SCUBE1: variants seen among roughly 807,000 people sequenced by gnomAD.
SCUBE1 encodes the protein signal peptide, CUB domain and EGF like domain containing 1, also known as signal peptide, CUB and EGF-like domain-containing protein 1.
SCUBE1 carries 59 observed loss-of-function variants against 124.4 expected under a neutral mutation model. The observed-to-expected ratio is 0.47, with a 90% CI of 0.38 to 0.59. The LOEUF (loss-of-function observed/expected upper bound fraction) is 0.59, where lower values mean the gene tolerates loss of function less well. Ranked by LOEUF, SCUBE1 falls within the 20% of genes least tolerant of loss-of-function variation. The probability of loss-of-function intolerance (pLI) is 0.00; values close to 1 mark genes in which losing one functional copy is unlikely to be tolerated. For synonymous variants in SCUBE1, 545 were observed against 550.9 expected (o/e 0.99, Z 0.15); for missense variants, 1,150 against 1,371.2 (o/e 0.84, Z 2.55).
At chr22:43,280,785 TCC>T in intron 4 of SCUBE1, among the ~76,000 whole-genome samples, 1 of 138,158 alleles carries the variant, frequency 7.2e-6, no homozygotes, top group Non-Finnish European at 1.5e-5. Context: ...TCCTGTCATC[TCC>T]TCCTCAGCTA....
At chr22:43,254,311 C>T (rs1009063473) in intron 6 of SCUBE1, among the ~76,000 whole-genome samples, 2 of 152,340 alleles carry the variant, frequency 1.3e-5, no homozygotes, top group African/African-American at 4.8e-5. Context: ...CCCATGAGCT[C>T]CTCGAAGCCC....
intron 6 of SCUBE1, among the ~76,000 whole-genome samples, chr22:43,252,496 G>A (rs577474302): frequency 5.7e-4 from 87 of 152,298 alleles, no homozygotes; most frequent in African/African-American, 1.7e-3. Flanking sequence ...CTGGAGCCAC[G>A]TGGTCCAGGT....
At chr22:43,247,975 T>C (rs560303914) in intron 6 of SCUBE1, among the ~76,000 whole-genome samples, 34 of 152,290 alleles carry the variant, frequency 2.2e-4, no homozygotes, top group African/African-American at 7.7e-4. Flanking sequence ...TCGAAGGGCT[T>C]TGGGGCCCAC....
At chr22:43,214,050 CACCCCCCA>C in intron 16 of SCUBE1, 32 bp downstream of exon 16, 1 of 271,286 alleles carries the variant, frequency 3.7e-6, no homozygotes. Context: ...AGCCCCCGCC[CACCCCCCA>C]CCCCCACCTC....
At chr22:43,289,132 G>A (rs543663502) in intron 4 of SCUBE1, among the ~76,000 whole-genome samples, 3 of 152,240 alleles carry the variant, frequency 2.0e-5, no homozygotes, top group Non-Finnish European at 4.4e-5. Flanking sequence ...CTGAAAAGGA[G>A]GCTCACGCCA....
intron 3 of SCUBE1, among the ~76,000 whole-genome samples, chr22:43,298,003 A>G (rs1228451054): frequency 6.6e-6 from 1 of 152,242 alleles, no homozygotes; most frequent in Non-Finnish European, 1.5e-5. Flanking sequence ...CTCCACCTCC[A>G]GCACGGAGAG....
chr22:43,331,767 A>G (rs1926910435), intron 2 of SCUBE1, among the ~76,000 whole-genome samples: 1 of 152,336 alleles, frequency 6.6e-6, no homozygotes, highest in South Asian at 2.1e-4. Context: ...CCCCCTCAGC[A>G]GAATAAGCAC....
At position 43,207,623 on chromosome 22, in the gene SCUBE1, G is replaced by A. The variant is rs781161074; in HGVS notation, c.2735-10C>T. 25 of 1,610,720 alleles carry A rather than the reference G, an allele frequency of 1.6e-5. No individual in the cohort carries two copies. In the Admixed American group the frequency reaches 2.7e-4, roughly 17 times the overall value. ...AGTTGCTGGTAGTCCTCTGGGCAGCGGGTCAGCAGGGGGAGAGGAAGGCGA... is the reference window on the plus strand; with the variant it reads ...AGTTGCTGGTAGTCCTCTGGGCAGCAGGTCAGCAGGGGGAGAGGAAGGCGA... On this transcript the variant is annotated splice_polypyrimidine_tract_variant and intron_variant, in intron 20 of 21. Coordinates refer to ENST00000360835, the MANE Select transcript of SCUBE1 (RefSeq NM_173050.5).
chr22:43,335,739 GTGA>G (rs572505909), intron 2 of SCUBE1, among the ~76,000 whole-genome samples: 68 of 147,526 alleles, frequency 4.6e-4, no homozygotes, highest in South Asian at 8.7e-4. Context: ...GTGAGAACAG[GTGA>G]TGATGATGAT....
intron 19 of SCUBE1, 55 bp from the exon 20 acceptor site, chr22:43,208,279 T>C: frequency 6.3e-7 from 1 of 1,578,534 alleles, no homozygotes; most frequent in Non-Finnish European, 8.7e-7. Context: ...CCTCCTGCCC[T>C]AGGCCACTCG....
At chr22:43,239,289 T>C (rs1029700604) in intron 6 of SCUBE1, among the ~76,000 whole-genome samples, 1 of 152,236 alleles carries the variant, frequency 6.6e-6, no homozygotes, top group African/African-American at 2.4e-5. Flanking sequence ...TGGCTGTATT[T>C]AACTGCCCGA....
chr22:43,339,754 TC>T (rs57952125), intron 1 of SCUBE1, among the ~76,000 whole-genome samples: 2,294 of 9,238 alleles, frequency 0.25, 34 homozygotes, highest in Middle Eastern at 0.5. Context: ...GCTCCAACCC[TC>T]CCCCCACTCT....
chr22:43,199,044 C>T lies in SCUBE1; in HGVS notation c.*4953G>A, dbSNP rs114367685. 3.5e-3 allele frequency: 970 copies of T among 280,796 alleles called. 8 individuals are homozygous for T. The highest frequency in any genetic ancestry group is 0.026 in the African/African-American group (898 of 34,034). 17.4% of individuals were successfully genotyped at this position (280,796 alleles called of 1,614,324 possible). ...CTGTTTGTCTCTCTGCTGTCCAGGGCAATGTGTCTGTTTGTCTGTCTGCTG... is the reference window on the plus strand; with the variant it reads ...CTGTTTGTCTCTCTGCTGTCCAGGGTAATGTGTCTGTTTGTCTGTCTGCTG... On this transcript the variant is annotated 3_prime_UTR_variant, in exon 22 of 22. Transcript: ENST00000360835.
chr22:43,202,554 G>C lies in SCUBE1; in HGVS notation c.*1443C>G, dbSNP rs1921047548. On this transcript the variant is annotated 3_prime_UTR_variant, in exon 22 of 22. Transcript: ENST00000360835. ...ATCCCAGGCGCTGGCCTTCCGGCTG[G>C]GTGGGACACATGCACTCGGTCACAG... 2 of 152,144 alleles carry C rather than the reference G, an allele frequency of 1.3e-5. No individual in the cohort carries two copies. The highest frequency in any genetic ancestry group is 1.3e-4 in the Admixed American group (2 of 15,268). The allele number at this position is 152,144 out of a possible 1,614,324, so 9.4% of individuals were successfully genotyped here.
intron 6 of SCUBE1, among the ~76,000 whole-genome samples, chr22:43,240,174 C>T (rs9306374): frequency 0.6 from 91,734 of 151,906 alleles, 28,616 homozygotes; most frequent in African/African-American, 0.74. Flanking sequence ...CTCATGGTCA[C>T]GGCTGAGCCA....
chr22:43,259,014 G>T (rs1923773365), intron 5 of SCUBE1, among the ~76,000 whole-genome samples: 1 of 152,236 alleles, frequency 6.6e-6, no homozygotes, highest in Admixed American at 6.5e-5. Context: ...GATGCCTGTG[G>T]CCTGGAGGAT....
chr22:43,267,452 A>C (rs1569002666), intron 4 of SCUBE1, among the ~76,000 whole-genome samples: 1 of 152,228 alleles, frequency 6.6e-6, no homozygotes, highest in Non-Finnish European at 1.5e-5. Context: ...TGGCATCCCT[A>C]GCTGCGTGTG....
chr22:43,256,988 C>A (rs1001000986), intron 6 of SCUBE1, among the ~76,000 whole-genome samples: 2 of 152,220 alleles, frequency 1.3e-5, no homozygotes, highest in Non-Finnish European at 2.9e-5. Context: ...TCAGACAAGA[C>A]AGGCAATCAG....
At position 43,258,552 on chromosome 22, in the gene SCUBE1, G is replaced by A. The variant is rs1265892417; in HGVS notation, c.611-217C>T. ...TCACTCACTCCCTAGAGCTGAACGG[G>A]GGTGGGACAGAATGGACTTGGGGTC... On this transcript the variant is annotated intron_variant, in intron 5 of 21. Coordinates refer to ENST00000360835, the MANE Select transcript of SCUBE1 (RefSeq NM_173050.5). This position sits in a 1 kb window ranked among gnomAD's most constrained non-coding sequence, Gnocchi z 5.0. 6.6e-6 allele frequency among the ~76,000 whole-genome samples: 1 copy of A among 152,164 alleles called. No homozygotes were observed. Among genetic ancestry groups the A allele is most frequent in the South Asian group, 2.1e-4 (1 of 4,826 alleles).
Sources: gnomAD v4.1 joint callset for allele counts (sites outside exome capture counted in the v4.1 genomes callset) on GRCh38, gnomAD v4.1.1 for gene constraint, Gnocchi (gnomAD v3.1) non-coding constraint, MANE v1.5 for transcripts, NCBI Gene and HGNC (gene_info 2026-07-23, HGNC 2026-07-21) for gene names.